NAALADL2: variants seen among roughly 807,000 people sequenced by gnomAD.
NAALADL2 encodes inactive N-acetylated-alpha-linked acidic dipeptidase-like protein 2.
Under a neutral mutation model 87.2 loss-of-function variants are expected in NAALADL2, and 76 were observed. That is an observed-to-expected ratio of 0.87 (90% CI 0.72 to 1.05). The LOEUF is 1.05. Ranked by LOEUF, NAALADL2 falls within the 50% of genes least tolerant of loss-of-function variation. The pLI, the probability that NAALADL2 is intolerant of heterozygous loss-of-function variation, is 0.00. For missense variants in NAALADL2, 1,089 were observed against 945.8 expected, an observed-to-expected ratio of 1.15 and a Z score of -1.99; for synonymous variants, 354 against 331.0, an observed-to-expected ratio of 1.07 and a Z score of -0.75.
chr3:175,504,565 TTCTCTCTCTCTCTCTCTCTC>T (rs200985901), intron 9 of NAALADL2, among the ~76,000 whole-genome samples: 1,945 of 134,406 alleles, frequency 0.014, 29 homozygotes, highest in African/African-American at 0.031. Flanking sequence ...CTCTCTCTGT[TTCTCTCTCTCTCTCTCTCTC>T]TCTCTCTCTC....
intron 1 of NAALADL2, among the ~76,000 whole-genome samples, chr3:174,918,227 G>A (rs942475545): frequency 7.2e-5 from 11 of 151,798 alleles, no homozygotes; most frequent in African/African-American, 2.7e-4. Flanking sequence ...AGGTTATTTA[G>A]TATGCCTACA....
intron 2 of NAALADL2, 59 bp downstream of exon 2, chr3:175,097,350 G>A (rs1721338107): frequency 1.3e-6 from 2 of 1,488,282 alleles, no homozygotes; most frequent in Non-Finnish European, 1.8e-6. Flanking sequence ...ATGTCTCACA[G>A]GGGGTATTGA....
At chr3:174,776,600 ACATATT>A (rs1262191930) in intron 3 of NAALADL2, among the ~76,000 whole-genome samples, 4 of 152,160 alleles carry the variant, frequency 2.6e-5, no homozygotes, top group Admixed American at 1.3e-4. Flanking sequence ...TTAGAAAACT[ACATATT>A]CATAATTTGG....
At chr3:175,769,479 A>C (rs1749187705) in intron 13 of NAALADL2, among the ~76,000 whole-genome samples, 1 of 152,168 alleles carries the variant, frequency 6.6e-6, no homozygotes, top group African/African-American at 2.4e-5. Flanking sequence ...GTTAAGCATT[A>C]TTTTCAGGGC....
At chr3:174,481,530 C>G (rs1343507598) in intron 1 of NAALADL2, among the ~76,000 whole-genome samples, 1 of 152,092 alleles carries the variant, frequency 6.6e-6, no homozygotes, top group Admixed American at 6.6e-5. Flanking sequence ...AATTACACTA[C>G]CTAAATGGAC....
At chr3:174,887,995 G>C (rs1240955280) in intron 1 of NAALADL2, among the ~76,000 whole-genome samples, 9 of 152,152 alleles carry the variant, frequency 5.9e-5, no homozygotes, top group African/African-American at 2.2e-4. Context: ...GGGATAGAGA[G>C]GGAGTGTATA....
At chr3:174,894,720 A>C (rs1731297304) in intron 1 of NAALADL2, among the ~76,000 whole-genome samples, 1 of 151,618 alleles carries the variant, frequency 6.6e-6, no homozygotes, top group Non-Finnish European at 1.5e-5. Context: ...CATTTCATCC[A>C]AGAACTGCAG....
intron 13 of NAALADL2, among the ~76,000 whole-genome samples, chr3:175,759,785 G>A (rs1195643771): frequency 1.3e-5 from 2 of 152,186 alleles, no homozygotes; most frequent in Non-Finnish European, 2.9e-5. Context: ...TGTGTGTGGT[G>A]TGCTCGAGAG....
intron 11 of NAALADL2, among the ~76,000 whole-genome samples, chr3:175,648,438 AG>A (rs1730306830): frequency 6.6e-6 from 1 of 151,656 alleles, no homozygotes; most frequent in African/African-American, 2.4e-5. Flanking sequence ...TTGGAACTAT[AG>A]TACCCCTGTT....
intron 3 of NAALADL2, among the ~76,000 whole-genome samples, chr3:175,246,146 A>T (rs941343444): frequency 9.2e-5 from 14 of 152,198 alleles, no homozygotes; most frequent in African/African-American, 3.1e-4. Context: ...GATTCTAATG[A>T]TTTTTAGAAA....
At chr3:175,065,272 C>A (rs1469191754) in intron 1 of NAALADL2, among the ~76,000 whole-genome samples, 1 of 152,086 alleles carries the variant, frequency 6.6e-6, no homozygotes, top group South Asian at 2.1e-4. Flanking sequence ...CGTCGGGACT[C>A]CCTTGCTGAA....
intron 1 of NAALADL2, among the ~76,000 whole-genome samples, chr3:174,986,476 G>A (rs1047253003): frequency 6.6e-6 from 1 of 151,658 alleles, no homozygotes; most frequent in Admixed American, 6.6e-5. Flanking sequence ...ATTTCTCATA[G>A]TATTATTTCT....
Position 174,547,492 on chromosome 3 carries a change from A to T in NAALADL2, c.-183-3077A>T, listed in dbSNP as rs189701868. ...AAGAGATGAAGGTGGTGAGCAGGAC[A>T]TGATTACTCTCTCATTTCAATGCCT... On this transcript the variant is annotated intron_variant, in intron 1 of 3. Coordinates refer to the NAALADL2 transcript ENST00000434257. Among the ~76,000 whole-genome samples the T allele has an allele frequency of 2.9e-4, 44 of 152,268 alleles. No homozygotes were observed. In the East Asian group the frequency reaches 7.1e-3, roughly 25 times the overall value.
At chr3:175,778,538 TGG>T (rs1423806514) in intron 13 of NAALADL2, among the ~76,000 whole-genome samples, 4 of 152,186 alleles carry the variant, frequency 2.6e-5, no homozygotes, top group Non-Finnish European at 5.9e-5. Flanking sequence ...TTGAGAATTA[TGG>T]GGCTGTGGGA....
intron 2 of NAALADL2, among the ~76,000 whole-genome samples, chr3:175,148,611 G>T (rs562950442): frequency 6.6e-4 from 100 of 152,128 alleles, no homozygotes; most frequent in African/African-American, 2.4e-3. Flanking sequence ...TAGTTAGTTA[G>T]TTTTTGGCTA....
rs1579996548 is a variant in NAALADL2 at position 175,010,451 on chromosome 3, C to T, written c.44-86339C>T. On this transcript the variant is annotated intron_variant, in intron 1 of 13. Coordinates refer to ENST00000454872, the MANE Select transcript of NAALADL2 (RefSeq NM_207015.3). ...CTGTTCTCATCACAGGTTCAGGGAT[C>T]ACCATCTTGCTTCTGTGTTACTGCT... 2.6e-5 allele frequency among the ~76,000 whole-genome samples: 4 copies of T among 152,152 alleles called. No homozygotes were observed. The South Asian group carries it at 8.3e-4, about 31-fold the overall frequency.
At chr3:175,266,824 C>T (rs1015041721) in intron 4 of NAALADL2, among the ~76,000 whole-genome samples, 3 of 151,628 alleles carry the variant, frequency 2.0e-5, no homozygotes, top group East Asian at 1.9e-4. Flanking sequence ...ATAATAATAG[C>T]ATATCAATAA....
At position 174,548,253 on chromosome 3, in the gene NAALADL2, A is replaced by G. The variant is rs537255750; in HGVS notation, c.-183-2316A>G. On this transcript the variant is annotated intron_variant, in intron 1 of 3. Transcript: ENST00000434257. ...TGATGGAGTATTATATAGCTCTTAAACATTATGTTTTTAAAGGGTACATAA... is the reference window on the plus strand; with the variant it reads ...TGATGGAGTATTATATAGCTCTTAAGCATTATGTTTTTAAAGGGTACATAA... 4.6e-5 allele frequency among the ~76,000 whole-genome samples: 7 copies of G among 152,286 alleles called. No homozygotes were observed. The East Asian group carries it at 1.4e-3, about 29-fold the overall frequency.
intron 1 of NAALADL2, among the ~76,000 whole-genome samples, chr3:175,041,061 C>T (rs770327805): frequency 1.3e-5 from 2 of 152,004 alleles, no homozygotes; most frequent in Admixed American, 6.6e-5. Flanking sequence ...TGTGCAACTG[C>T]CTCTTGGAAT....
Sources: allele counts gnomAD v4.1 joint callset (sites outside exome capture counted in the v4.1 genomes callset), GRCh38; gene constraint gnomAD v4.1.1; transcripts MANE v1.5; gene names NCBI Gene and HGNC (gene_info 2026-07-23, HGNC 2026-07-21).